LANCL2: variants seen among roughly 807,000 people sequenced by gnomAD.
LANCL2 encodes LanC like glutathione S-transferase 2.
Under a neutral mutation model 56.9 loss-of-function variants are expected in LANCL2, and 33 were observed. That is an observed-to-expected ratio of 0.58 (90% confidence interval 0.44 to 0.78). LANCL2 has a LOEUF of 0.78. Among genes scored for constraint, LANCL2 ranks in the 30% least tolerant of loss-of-function variants. The pLI is 0.00. For missense variants in LANCL2, 562 were observed against 580.2 expected (o/e 0.97, Z 0.32); for synonymous variants, 233 against 228.2 (o/e 1.02, Z -0.19).
chr7:55,431,309 A>G lies in LANCL2; in HGVS notation c.1342A>G (p.Lys448Glu), dbSNP rs202032634. Reference protein sequence around the residue: ...RFPAFELDSSKRD With the variant: ...RFPAFELDSSERD Reference sequence around the variant, plus strand: ...TCCAGCATTTGAACTTGACTCTTCGAAGAGGGATTAAAAGGTGCAAAAAGA... The same window carrying G: ...TCCAGCATTTGAACTTGACTCTTCGGAGAGGGATTAAAAGGTGCAAAAAGA... The change falls in exon 9 of 9, where the codon AAG (lysine) becomes GAG (glutamate). Residue 448 changes from lysine to glutamate, a missense_variant. This residue lies in a region of LANCL2 where 378 missense variants were observed against 468.4 expected (regional missense o/e 0.81). Coordinates refer to ENST00000254770, the MANE Select transcript of LANCL2 (RefSeq NM_018697.4). 145 of 1,613,092 alleles carry G rather than the reference A, an allele frequency of 9.0e-5. 1 individual carries two copies. In the South Asian group the frequency reaches 1.5e-3, roughly 17 times the overall value.
At chr7:55,393,037 T>C (rs1345594329) in intron 2 of LANCL2, among the ~76,000 whole-genome samples, 1 of 152,214 alleles carries the variant, frequency 6.6e-6, no homozygotes, top group Non-Finnish European at 1.5e-5. Flanking sequence ...AAAATGTAAT[T>C]GAAAAATTAA....
chr7:55,372,801 A>G (rs1459898938), intron 1 of LANCL2, among the ~76,000 whole-genome samples: 1 of 152,202 alleles, frequency 6.6e-6, no homozygotes, highest in Non-Finnish European at 1.5e-5. Context: ...AGAAATGCTT[A>G]TTGTCTCCTT....
chr7:55,400,065 G>A lies in LANCL2; in HGVS notation c.639G>A (p.Glu213=), dbSNP rs1790303125. ...YLYALLYLNT[E]IGPGTVCESA... ...ATGCCTTACTGTACCTGAACACAGAGATAGGTCCAGGCACCGTGTGTGAGT... is the reference window on the plus strand; with the variant it reads ...ATGCCTTACTGTACCTGAACACAGAAATAGGTCCAGGCACCGTGTGTGAGT... The change falls in exon 4 of 9, where the codon GAG becomes GAA. Residue 213 remains glutamate (E), a synonymous_variant. Coordinates refer to ENST00000254770, the MANE Select transcript of LANCL2 (RefSeq NM_018697.4). The A allele has an allele frequency of 6.2e-7, 1 of 1,613,212 alleles. No individual in the cohort carries two copies. Among genetic ancestry groups the A allele is most frequent in the South Asian group, 1.1e-5 (1 of 90,982 alleles).
At chr7:55,411,860 A>T (rs1269665609) in intron 5 of LANCL2, 47 bp from the exon 6 acceptor site, 1 of 1,550,842 alleles carries the variant, frequency 6.4e-7, no homozygotes, top group African/African-American at 1.4e-5. Context: ...TGTAAAAGAA[A>T]TAACTTCAGA....
At chr7:55,406,335 T>C (rs9690940) in intron 5 of LANCL2, among the ~76,000 whole-genome samples, 52,370 of 152,130 alleles carry the variant, frequency 0.34, 9,512 homozygotes, top group African/African-American at 0.42. Flanking sequence ...GCGTCCCTGG[T>C]GCCTTCTCAG....
intron 2 of LANCL2, among the ~76,000 whole-genome samples, chr7:55,394,925 G>T (rs576870019): frequency 1.3e-5 from 2 of 152,166 alleles, no homozygotes; most frequent in Admixed American, 1.3e-4. Flanking sequence ...CATGGCTTGC[G>T]GAGAAGCAGG....
At chr7:55,401,124 A>G in intron 4 of LANCL2, 50 bp from the exon 5 acceptor site, 5 of 1,526,322 alleles carry the variant, frequency 3.3e-6, no homozygotes, top group Non-Finnish European at 4.5e-6. Context: ...TTAGACTACA[A>G]CAGGGTACAT....
intron 5 of LANCL2, among the ~76,000 whole-genome samples, chr7:55,407,054 G>C (rs947807231): frequency 6.6e-6 from 1 of 152,212 alleles, no homozygotes; most frequent in African/African-American, 2.4e-5. Flanking sequence ...GGACTCTCTG[G>C]CACAGGAGGC....
chr7:55,412,102 G>A lies in LANCL2; in HGVS notation c.1008+13G>A, dbSNP rs765622313. 16 of 1,602,514 alleles carry A rather than the reference G, an allele frequency of 1.0e-5. No homozygotes were observed. Among genetic ancestry groups the A allele is most frequent in the Admixed American group, 1.7e-5 (1 of 59,168 alleles). ...GCAGGCGTACAAGGTCAGTGCTTCC[G>A]CCGTCACGGCCGTCCCCTGTGTGGG... On this transcript the variant is annotated intron_variant, in intron 6 of 8. Transcript: ENST00000254770.
rs138687639 is a variant in LANCL2, at chr7:55,373,090, C to G, written c.204+6861C>G. On this transcript the variant is annotated intron_variant, in intron 1 of 8. Coordinates refer to ENST00000254770, the MANE Select transcript of LANCL2 (RefSeq NM_018697.4). ...ATTGAAAATTGTCATCTATCATAGC[C>G]TGGGTCTCCAGATTCGTAAGTTTAT... is the stretch of plus-strand genomic sequence containing the variant. 5.7e-3 allele frequency among the ~76,000 whole-genome samples: 868 copies of G among 152,256 alleles called. 5 individuals carry two copies. Among genetic ancestry groups the G allele is most frequent in the African/African-American group, 0.018 (760 of 41,540 alleles).
At chr7:55,406,084 A>T (rs879682010) in intron 5 of LANCL2, among the ~76,000 whole-genome samples, 6 of 152,166 alleles carry the variant, frequency 3.9e-5, no homozygotes, top group Non-Finnish European at 7.4e-5. Flanking sequence ...GTGGAAAGGG[A>T]GCAGGAACGT....
At chr7:55,368,441 A>G (rs1453761093) in intron 1 of LANCL2, among the ~76,000 whole-genome samples, 2 of 152,230 alleles carry the variant, frequency 1.3e-5, no homozygotes, top group African/African-American at 2.4e-5. Context: ...GAATATGAAA[A>G]TGAGAGCACG....
At chr7:55,402,744 C>G (rs13230291) in intron 5 of LANCL2, among the ~76,000 whole-genome samples, 20 of 120,806 alleles carry the variant, frequency 1.7e-4, no homozygotes, top group African/African-American at 3.4e-4. Context: ...CGGGCGGAGA[C>G]GCTCCTCACT....
chr7:55,421,893 A>T (rs569027852), intron 6 of LANCL2, among the ~76,000 whole-genome samples: 1 of 152,036 alleles, frequency 6.6e-6, no homozygotes, highest in East Asian at 1.9e-4. Context: ...CTTTATTTTT[A>T]ATTTAAAAAA....
intron 6 of LANCL2, among the ~76,000 whole-genome samples, chr7:55,418,473 A>G (rs914960242): frequency 6.6e-6 from 1 of 152,082 alleles, no homozygotes; most frequent in Non-Finnish European, 1.5e-5. Flanking sequence ...AGCCACTGTA[A>G]CTGGCCACAG....
intron 1 of LANCL2, among the ~76,000 whole-genome samples, chr7:55,372,468 A>G (rs1789954026): frequency 6.6e-6 from 1 of 152,224 alleles, no homozygotes; most frequent in Non-Finnish European, 1.5e-5. Context: ...TTAATATAAC[A>G]TAGTTGTAAT....
chr7:55,378,673 AT>A (rs1164723330), intron 1 of LANCL2, among the ~76,000 whole-genome samples: 1 of 152,208 alleles, frequency 6.6e-6, no homozygotes, highest in African/African-American at 2.4e-5. Flanking sequence ...GTACATGAGA[AT>A]TTGGTTCCAG....
Position 55,391,273 on chromosome 7 carries a change from C to T in LANCL2, c.205-520C>T, listed in dbSNP as rs1027738827. Among the ~76,000 whole-genome samples the T allele has an allele frequency of 2.6e-4, 39 of 152,122 alleles. 1 individual carries two copies. The highest frequency in any genetic ancestry group is 1.0e-4 in the Non-Finnish European group (7 of 68,022). On this transcript the variant is annotated intron_variant, in intron 1 of 8. Transcript: ENST00000254770. ...GACCTCGTGATCCGCCCGCCTCGGCCTCCCAAAGTGCTGGGATTACAGGCG... is the reference window on the plus strand; with the variant it reads ...GACCTCGTGATCCGCCCGCCTCGGCTTCCCAAAGTGCTGGGATTACAGGCG...
intron 1 of LANCL2, 144 bp downstream of exon 1, chr7:55,366,373 T>A (rs2128990350): frequency 4.5e-6 from 3 of 662,556 alleles, no homozygotes; most frequent in East Asian, 3.4e-5. Context: ...TCTCCGGGCC[T>A]TCCCGATGAG....
Sources: gnomAD v4.1 joint callset for allele counts (sites outside exome capture counted in the v4.1 genomes callset) on GRCh38, gnomAD v4.1.1 for gene constraint, gnomAD v4.1.1 regional missense constraint, MANE v1.5 for transcripts, NCBI Gene and HGNC (gene_info 2026-07-23, HGNC 2026-07-21) for gene names.